ELFN1: variants seen among roughly 807,000 people sequenced by gnomAD.
The protein encoded by ELFN1 is protein ELFN1.
ELFN1 carries 6 observed loss-of-function variants against 7.6 expected under a neutral mutation model. The ratio of observed to expected loss-of-function variants is 0.79; its 90% CI spans 0.43 to 1.56. The LOEUF is 1.56. Ranked by LOEUF, ELFN1 falls within the 40% of genes most tolerant of loss-of-function variation. The pLI, the probability that ELFN1 is intolerant of heterozygous loss-of-function variation, is 0.01. For missense variants in ELFN1, 1,169 were observed against 1,232.2 expected, an observed-to-expected ratio of 0.95 and a Z score of 0.77; for synonymous variants, 657 against 588.1, an observed-to-expected ratio of 1.12 and a Z score of -1.70.
At chr7:1,685,135 T>C (rs1224305711) in intron 1 of ELFN1, among the ~76,000 whole-genome samples, 3 of 152,206 alleles carry the variant, frequency 2.0e-5, no homozygotes, top group African/African-American at 7.2e-5. Context: ...ATATTTTGAA[T>C]ATGCCATTCC....
chr7:1,745,155 C>T lies in ELFN1; in HGVS notation c.559C>T (p.Leu187Phe), dbSNP rs1472433192. 6.5e-7 allele frequency: 1 copy of T among 1,550,050 alleles called. No individual in the cohort carries two copies. Among genetic ancestry groups the T allele is most frequent in the Admixed American group, 2.0e-5 (1 of 51,006 alleles). ...CCTGGCCAAGCTGTCGGTGTGCGAGCTCTACAGCAACCCCTTCTACTGCTC... is the reference window on the plus strand; with the variant it reads ...CCTGGCCAAGCTGTCGGTGTGCGAGTTCTACAGCAACCCCTTCTACTGCTC... ...AGLAKLSVCELYSNPFYCSCE... is the reference protein window; with the variant it reads ...AGLAKLSVCEFYSNPFYCSCE... The change falls in exon 4 of 4, where the codon CTC becomes TTC. Residue 187 changes from leucine (L) to phenylalanine (F), a missense_variant. By Grantham distance (22) the Leu-to-Phe change is conservative. Coordinates refer to ENST00000424383, the MANE Select transcript of ELFN1 (RefSeq NM_001128636.4).
chr7:1,731,499 T>A (rs1426296893), intron 3 of ELFN1, among the ~76,000 whole-genome samples: 1 of 152,122 alleles, frequency 6.6e-6, no homozygotes. Context: ...AGAGGCCTCA[T>A]GAGAGGGTGA....
chr7:1,685,693 A>G (rs367652882), intron 1 of ELFN1, among the ~76,000 whole-genome samples: 1 of 151,234 alleles, frequency 6.6e-6, no homozygotes, highest in Non-Finnish European at 1.5e-5. Context: ...TTGAGTCACT[A>G]TTATTATCCT....
chr7:1,708,794 G>T (rs1779590864), intron 2 of ELFN1, among the ~76,000 whole-genome samples: 1 of 152,170 alleles, frequency 6.6e-6, no homozygotes, highest in South Asian at 2.1e-4. Flanking sequence ...GGAATTGGTT[G>T]CAGTGACCCC....
chr7:1,737,363 G>A lies in ELFN1; in HGVS notation c.-293-6941G>A, dbSNP rs1266894118. Among the ~76,000 whole-genome samples, 6 of 152,028 alleles carry A rather than the reference G, an allele frequency of 3.9e-5. No individual in the cohort carries two copies. In the East Asian group the frequency reaches 1.2e-3, roughly 29 times the overall value. ...CAGAGCAAGGCCAGGAGATGAACACGGACCCTCCTGCTCCGGGTCTCGGGG... is the reference window on the plus strand; with the variant it reads ...CAGAGCAAGGCCAGGAGATGAACACAGACCCTCCTGCTCCGGGTCTCGGGG... On this transcript the variant is annotated intron_variant, in intron 3 of 3. Transcript: ENST00000424383.
chr7:1,679,565 C>G (rs1455740525), intron 1 of ELFN1, among the ~76,000 whole-genome samples: 1 of 152,320 alleles, frequency 6.6e-6, no homozygotes, highest in East Asian at 1.9e-4. Context: ...TCAGCCCCGT[C>G]CCTACCGAGC....
chr7:1,712,426 CCTTTTTTTTTTT>C (rs1433173106), intron 3 of ELFN1, among the ~76,000 whole-genome samples: 9 of 142,540 alleles, frequency 6.3e-5, no homozygotes, highest in Non-Finnish European at 1.1e-4. Context: ...AGCCTTCTTT[CCTTTTTTTTTTT>C]CTTTTTTTTT....
chr7:1,669,515 C>G (rs571052264), upstream of ELFN1, among the ~76,000 whole-genome samples: 19 of 152,360 alleles, frequency 1.2e-4, no homozygotes, highest in South Asian at 3.7e-3. Flanking sequence ...GGGGCTCTGC[C>G]TTCGACGCGC....
Position 1,705,517 on chromosome 7 carries a change from G to A in ELFN1, c.-455-3574G>A, listed in dbSNP as rs376715360. On this transcript the variant is annotated intron_variant, in intron 2 of 3. Transcript: ENST00000424383. This position sits in a 1 kb window ranked among gnomAD's most constrained non-coding sequence, Gnocchi z 4.3. ...GGCAGCCGCCACTGCCTGCCCGAGG[G>A]CACTGCTGGGCCCCCCTTCCGACGG... is the stretch of plus-strand genomic sequence containing the variant. Among the ~76,000 whole-genome samples, 9 of 152,202 alleles carry A rather than the reference G, an allele frequency of 5.9e-5. No individual in the cohort carries two copies. Among genetic ancestry groups the A allele is most frequent in the Non-Finnish European group, 1.0e-4 (7 of 68,034 alleles).
At chr7:1,675,029 C>T (rs1778840916) in intron 1 of ELFN1, among the ~76,000 whole-genome samples, 1 of 152,268 alleles carries the variant, frequency 6.6e-6, no homozygotes, top group Non-Finnish European at 1.5e-5. Context: ...TGCTGGGCTC[C>T]CCACACCTCA....
intron 3 of ELFN1, among the ~76,000 whole-genome samples, chr7:1,723,320 G>A (rs966149258): frequency 2.0e-5 from 3 of 152,336 alleles, no homozygotes; most frequent in Admixed American, 6.5e-5. Context: ...CAACGTTATC[G>A]TGACACATTT....
chr7:1,727,209 G>T (rs924650916), intron 3 of ELFN1, among the ~76,000 whole-genome samples: 7 of 152,200 alleles, frequency 4.6e-5, no homozygotes, highest in African/African-American at 1.4e-4. Context: ...GCACACGAGG[G>T]GGGTGGAGAT....
Position 1,707,680 on chromosome 7 carries a change from A to C in ELFN1, c.-455-1411A>C, listed in dbSNP as rs1670152686. Among the ~76,000 whole-genome samples, 4 of 152,310 alleles carry C rather than the reference A, an allele frequency of 2.6e-5. No individual in the cohort carries two copies. The South Asian group carries it at 8.3e-4, about 32-fold the overall frequency. On this transcript the variant is annotated intron_variant, in intron 2 of 3. Transcript: ENST00000424383. ...GGTTCAACCTCATTAGCATATTCAA[A>C]TACACACCATTATTATTTCAATTAG...
intron 3 of ELFN1, among the ~76,000 whole-genome samples, chr7:1,709,459 G>A (rs1020048517): frequency 6.6e-6 from 1 of 152,256 alleles, no homozygotes; most frequent in African/African-American, 2.4e-5. Flanking sequence ...GGCCGCAGGG[G>A]TGGCCTCGGA....
intron 2 of ELFN1, chr7:1,694,142 C>T (rs574817887): frequency 2.0e-3 from 484 of 243,894 alleles, no homozygotes; most frequent in African/African-American, 9.7e-3. Context: ...CAGCCAGCCC[C>T]GGCAGACCCA....
Position 1,745,810 on chromosome 7 carries a change from C to G in ELFN1, c.1214C>G (p.Pro405Arg). ...LTICLPRLPS[P>R]PGPVPSPSTA... ...ATCTGCTTGCCCCGGCTGCCCAGCC[C>G]GCCTGGTCCGGTGCCCAGCCCCTCC... The change falls in exon 4 of 4, where the codon CCG becomes CGG. Residue 405 changes from proline to arginine, a missense_variant. By Grantham distance (103) the Pro-to-Arg change is moderately radical. Transcript: ENST00000424383. 2 of 1,563,968 alleles carry G rather than the reference C, an allele frequency of 1.3e-6. No homozygotes were observed. The highest frequency in any genetic ancestry group is 1.7e-6 in the Non-Finnish European group (2 of 1,156,566).
chr7:1,724,878 T>C (rs1345092634), intron 3 of ELFN1, among the ~76,000 whole-genome samples: 1 of 152,194 alleles, frequency 6.6e-6, no homozygotes, highest in African/African-American at 2.4e-5. Context: ...GTCAGCCTCT[T>C]TGCCAACTTC....
chr7:1,737,170 T>G (rs1381425037), intron 3 of ELFN1, among the ~76,000 whole-genome samples: 1 of 152,140 alleles, frequency 6.6e-6, no homozygotes, highest in Non-Finnish European at 1.5e-5. Context: ...GCTGGGGCCC[T>G]TCGAGCGCAG....
At position 1,695,760 on chromosome 7, in the gene ELFN1, A is replaced by C. The variant is rs866434841; in HGVS notation, c.-456+7610A>C. Among the ~76,000 whole-genome samples the C allele has an allele frequency of 6.6e-6, 1 of 151,350 alleles. No homozygotes were observed. Among genetic ancestry groups the C allele is most frequent in the African/African-American group, 2.4e-5 (1 of 41,078 alleles). ...GAGACTCCGTGTCAAAAAAAAAAAA[A>C]AAAAAAAAAAAACCGTGCTGGTTTG... On this transcript the variant is annotated intron_variant, in intron 2 of 3. Coordinates refer to ENST00000424383, the MANE Select transcript of ELFN1 (RefSeq NM_001128636.4). The surrounding 1 kb of genome is among the most constrained non-coding windows in gnomAD (Gnocchi z 5.1).
Sources: gnomAD v4.1 joint callset for allele counts (sites outside exome capture counted in the v4.1 genomes callset) on GRCh38, gnomAD v4.1.1 for gene constraint, Gnocchi (gnomAD v3.1) non-coding constraint, MANE v1.5 for transcripts, NCBI Gene and HGNC (gene_info 2026-07-23, HGNC 2026-07-21) for gene names.